The following COL21A1 variants were observed in gnomAD, a reference collection of about 807,000 sequenced individuals.
COL21A1 encodes the protein collagen alpha-1(XXI) chain.
Under a neutral mutation model 137.9 loss-of-function variants are expected in COL21A1, and 149 were observed. The ratio of observed to expected loss-of-function variants is 1.08; its 90% CI spans 0.95 to 1.24. The LOEUF is 1.24. Ranked by LOEUF, COL21A1 falls within the 50% of genes most tolerant of loss-of-function variation. The pLI is 0.00. For synonymous variants in COL21A1, 456 were observed against 391.5 expected, an observed-to-expected ratio of 1.16 and a Z score of -1.95; for missense variants, 1,167 against 1,158.4, an observed-to-expected ratio of 1.01 and a Z score of -0.11.
At chr6:56,209,284 C>G (rs1779999234) in intron 1 of COL21A1, among the ~76,000 whole-genome samples, 1 of 152,108 alleles carries the variant, frequency 6.6e-6, no homozygotes, top group African/African-American at 2.4e-5. Context: ...CAAATGGGAT[C>G]TAATTAAACT....
chr6:56,332,198 G>A (rs1562060540), intron 1 of COL21A1: 1 of 151,956 alleles, frequency 6.6e-6, no homozygotes, highest in Non-Finnish European at 1.5e-5. Flanking sequence ...GTCATTTGAT[G>A]AGAGTTGTGT....
chr6:56,254,438 C>G (rs1465500424), intron 1 of COL21A1, among the ~76,000 whole-genome samples: 2 of 152,046 alleles, frequency 1.3e-5, no homozygotes, highest in East Asian at 3.9e-4. Flanking sequence ...CTGGTTTCCC[C>G]TTGAATTATG....
At chr6:56,169,220 G>C (rs1339119032) in intron 5 of COL21A1, among the ~76,000 whole-genome samples, 1 of 151,844 alleles carries the variant, frequency 6.6e-6, no homozygotes, top group Non-Finnish European at 1.5e-5. Context: ...AATCTATCTA[G>C]ATCTCTCACC....
chr6:56,318,147 A>G (rs1054463918), intron 1 of COL21A1, among the ~76,000 whole-genome samples: 16 of 152,336 alleles, frequency 1.1e-4, no homozygotes, highest in African/African-American at 3.6e-4. Context: ...AATTATTTTC[A>G]TCACAAAAAA....
intron 1 of COL21A1, among the ~76,000 whole-genome samples, chr6:56,359,921 T>C (rs959548813): frequency 4.6e-5 from 7 of 152,278 alleles, no homozygotes; most frequent in South Asian, 4.1e-4. Flanking sequence ...CAAAGAGTCA[T>C]TGCAAACTGT....
At chr6:56,371,702 C>T (rs577935720) in intron 1 of COL21A1, among the ~76,000 whole-genome samples, 1 of 152,314 alleles carries the variant, frequency 6.6e-6, no homozygotes, top group South Asian at 2.1e-4. Flanking sequence ...ACTATATCCA[C>T]AGGAGTGTCT....
chr6:56,086,984 G>A (rs1401272005), intron 17 of COL21A1, among the ~76,000 whole-genome samples: 1 of 152,164 alleles, frequency 6.6e-6, no homozygotes, highest in Non-Finnish European at 1.5e-5. Flanking sequence ...GTTGTCTTCT[G>A]TTAATTCCTC....
chr6:56,192,400 A>G (rs985966373), intron 1 of COL21A1, among the ~76,000 whole-genome samples: 2 of 152,054 alleles, frequency 1.3e-5, no homozygotes, highest in African/African-American at 4.8e-5. Flanking sequence ...AACTACCATC[A>G]GAATGGGAGA....
Position 56,059,258 on chromosome 6 carries a change from C to A in COL21A1, c.2609-16G>T. 1 of 1,565,642 alleles carries A rather than the reference C, an allele frequency of 6.4e-7. No homozygotes were observed. Among genetic ancestry groups the A allele is most frequent in the Non-Finnish European group, 8.6e-7 (1 of 1,156,678 alleles). On this transcript the variant is annotated splice_polypyrimidine_tract_variant and intron_variant, in intron 28 of 29. Transcript: ENST00000244728. The stretch of plus-strand genomic sequence containing the variant: ...CCTGGTAGGCCTGCAGGGTGTCAAA[C>A]ATCTGAGTAAGTTTACTTAAAATCA...
intron 12 of COL21A1, among the ~76,000 whole-genome samples, chr6:56,137,571 T>C (rs757879632): frequency 5.9e-5 from 9 of 152,142 alleles, no homozygotes; most frequent in Non-Finnish European, 1.2e-4. Flanking sequence ...ACAAAAGAAA[T>C]AGATTTCTAA....
Position 56,346,734 on chromosome 6 carries a change from A to G in COL21A1, c.-39+47237T>C, listed in dbSNP as rs536253289. Reference sequence around the variant, plus strand: ...TTGGAATGAATATTAATCCCACTCAAAATTCCACCTCCCAGTGAGAGCTGT... The same window carrying G: ...TTGGAATGAATATTAATCCCACTCAGAATTCCACCTCCCAGTGAGAGCTGT... On this transcript the variant is annotated intron_variant, in intron 1 of 28. Coordinates refer to the COL21A1 transcript ENST00000370819. 2.4e-4 allele frequency among the ~76,000 whole-genome samples: 37 copies of G among 152,302 alleles called. No homozygotes were observed. In the South Asian group the frequency reaches 5.0e-3, roughly 20 times the overall value.
intron 1 of COL21A1, 40 bp from the exon 2 acceptor site, chr6:56,182,696 A>C (rs1777996771): frequency 4.7e-6 from 4 of 842,272 alleles, no homozygotes; most frequent in Non-Finnish European, 7.7e-6. Flanking sequence ...TATTAATTAA[A>C]GTCAACATCT....
chr6:56,098,722 T>A (rs868441578), intron 17 of COL21A1, among the ~76,000 whole-genome samples: 1 of 113,658 alleles, frequency 8.8e-6, no homozygotes, highest in Non-Finnish European at 1.7e-5. Flanking sequence ...TATATAAATA[T>A]ATATATATTT....
chr6:56,140,561 A>C (rs886756558), intron 12 of COL21A1, among the ~76,000 whole-genome samples: 4 of 152,196 alleles, frequency 2.6e-5, no homozygotes, highest in Non-Finnish European at 5.9e-5. Context: ...GCCACAAGTC[A>C]AAGTCATCTC....
At chr6:56,344,151 T>C (rs1765534967) in intron 1 of COL21A1, among the ~76,000 whole-genome samples, 1 of 152,234 alleles carries the variant, frequency 6.6e-6, no homozygotes, top group Non-Finnish European at 1.5e-5. Flanking sequence ...AAGAAAGGAT[T>C]ATTTTTCCTA....
At chr6:56,211,189 A>ATATATGTATATATACATATATATG (rs1419112138) in intron 1 of COL21A1, among the ~76,000 whole-genome samples, 1,429 of 13,250 alleles carry the variant, frequency 0.11, 11 homozygotes, top group Middle Eastern at 0.14. Flanking sequence ...ATATATATGT[A>ATATATGTATATATACATATATATG]TATATGTATA....
chr6:56,294,988 G>C (rs142808928), intron 1 of COL21A1, among the ~76,000 whole-genome samples: 3 of 151,798 alleles, frequency 2.0e-5, no homozygotes, highest in Non-Finnish European at 4.4e-5. Context: ...TAGTGTTTTT[G>C]GTATTGTATA....
At position 56,070,810 on chromosome 6, in the gene COL21A1, T is replaced by C. The variant is rs749035831; in HGVS notation, c.1966-12A>G. The C allele has an allele frequency of 3.6e-5, 57 of 1,587,164 alleles. No individual in the cohort carries two copies. The Admixed American group carries it at 1.0e-3, about 29-fold the overall frequency. On this transcript the variant is annotated splice_polypyrimidine_tract_variant and intron_variant, in intron 20 of 29. Transcript: ENST00000244728. ...TCACCTTTGCTTCCCTGTCAACACA[T>C]CAAAAACATTGGAGTTTTTTAAAAA... is the stretch of plus-strand genomic sequence containing the variant.
intron 17 of COL21A1, among the ~76,000 whole-genome samples, chr6:56,094,464 A>C (rs1769143908): frequency 6.6e-6 from 1 of 152,136 alleles, no homozygotes; most frequent in Non-Finnish European, 1.5e-5. Context: ...CTCACTATCA[A>C]TCTTTAACAT....
Sources: gnomAD v4.1 joint callset for allele counts (sites outside exome capture counted in the v4.1 genomes callset) on GRCh38, gnomAD v4.1.1 for gene constraint, MANE v1.5 for transcripts, NCBI Gene and HGNC (gene_info 2026-07-23, HGNC 2026-07-21) for gene names.